Variants in MMS19 observed in about 807,000 individuals in gnomAD.
MMS19 encodes MMS19 cytosolic iron-sulfur assembly component, also known as MMS19 nucleotide excision repair protein homolog.
In MMS19, 77 loss-of-function variants were observed where a neutral mutation model predicts 129.8. That is an observed-to-expected ratio of 0.59 (90% CI 0.49 to 0.72). The LOEUF (loss-of-function observed/expected upper bound fraction) is 0.72. MMS19 is among the 30% of genes least tolerant of loss of function. MMS19 has a pLI of 0.00. For missense variants in MMS19, 1,168 were observed against 1,266.3 expected, an observed-to-expected ratio of 0.92 and a Z score of 1.18; for synonymous variants, 491 against 502.8, an observed-to-expected ratio of 0.98 and a Z score of 0.31.
chr10:97,490,475 A>G lies in MMS19; in HGVS notation c.113-6324T>C, dbSNP rs29001266. Reference sequence around the variant, plus strand: ...CAAGGGAGAAACAGGGTAAAAGGCTAACAATCTTCATAAGGCTTTGGTTCA... The same window carrying G: ...CAAGGGAGAAACAGGGTAAAAGGCTGACAATCTTCATAAGGCTTTGGTTCA... On this transcript the variant is annotated intron_variant, in intron 1 of 30. Transcript: ENST00000438925. Among the ~76,000 whole-genome samples the G allele has an allele frequency of 5.0e-3, 754 of 152,318 alleles. 24 individuals are homozygous for G. In the East Asian group the frequency reaches 0.074, roughly 15 times the overall value.
At position 97,479,066 on chromosome 10, in the gene MMS19, G is replaced by A. The variant is rs147832686; in HGVS notation, c.263-677C>T. On this transcript the variant is annotated intron_variant, in intron 3 of 30. Transcript: ENST00000438925. ...CTGTCTCCAAAAAACAAATAAAAGGGGTTCCCTCTCTTGGCTTTGGAGCCC... is the reference window on the plus strand; with the variant it reads ...CTGTCTCCAAAAAACAAATAAAAGGAGTTCCCTCTCTTGGCTTTGGAGCCC... Among the ~76,000 whole-genome samples the A allele has an allele frequency of 2.6e-3, 389 of 152,114 alleles. 2 individuals carry two copies. The Middle Eastern group carries it at 0.058, about 23-fold the overall frequency.
chr10:97,470,364 GTGACC>G (rs2034428601), intron 9 of MMS19, among the ~76,000 whole-genome samples, 161 bp from the exon 10 acceptor site: 1 of 152,214 alleles, frequency 6.6e-6, no homozygotes, highest in African/African-American at 2.4e-5. Context: ...CTGCCAAGCA[GTGACC>G]AGAGCCCCAC....
chr10:97,469,082 C>T lies in MMS19; in HGVS notation c.947G>A (p.Arg316Gln), dbSNP rs751925259. ...RREVFQTASERVEAEGLAALH... is the reference protein window; with the variant it reads ...RREVFQTASEQVEAEGLAALH... ...GGCCGCCAGGCCCTCTGCCTCCACC[C>T]GCTCACTTGCCGTCTGGAACACCTG... is the stretch of plus-strand genomic sequence containing the variant. The change falls in exon 12 of 31, where the codon CGG becomes CAG. Residue 316 changes from arginine to glutamine, a missense_variant. Arg to Gln is a conservative substitution (Grantham distance 43). This residue lies in a region of MMS19 where 831 missense variants were observed against 910.8 expected (regional missense o/e 0.91). Coordinates refer to ENST00000438925, the MANE Select transcript of MMS19 (RefSeq NM_022362.5). 9.2e-5 allele frequency: 145 copies of T among 1,580,396 alleles called. 1 individual carries two copies. Among genetic ancestry groups the T allele is most frequent in the Admixed American group, 2.0e-4 (11 of 55,506 alleles).
At chr10:97,496,625 T>C (rs750638598) in intron 1 of MMS19, among the ~76,000 whole-genome samples, 1 of 151,362 alleles carries the variant, frequency 6.6e-6, no homozygotes, top group Non-Finnish European at 1.5e-5. Context: ...CAAAAAAAAA[T>C]CCAAAATTAT....
At chr10:97,482,689 A>G (rs1166602130) in intron 2 of MMS19, among the ~76,000 whole-genome samples, 1 of 150,542 alleles carries the variant, frequency 6.6e-6, no homozygotes, top group African/African-American at 2.4e-5. Flanking sequence ...TGATATGTGA[A>G]TCATACATCA....
chr10:97,461,555 G>A lies in MMS19; in HGVS notation c.2252C>T (p.Pro751Leu), dbSNP rs1450329864. 2.5e-6 allele frequency: 4 copies of A among 1,603,380 alleles called. No individual in the cohort carries two copies. The highest frequency in any genetic ancestry group is 1.1e-5 in the South Asian group (1 of 88,898). The change falls in exon 23 of 31, where the codon CCC becomes CTC. Residue 751 changes from proline (P) to leucine (L), a missense_variant. Pro to Leu is a moderately conservative substitution (Grantham distance 98, BLOSUM62 -3). Transcript: ENST00000438925. ...CTTGGCAGCAGCGGTGGAAGAAAAGGGGCAGCTGTGGCAGCAGCTCAGTTC... is the reference window on the plus strand; with the variant it reads ...CTTGGCAGCAGCGGTGGAAGAAAAGAGGCAGCTGTGGCAGCAGCTCAGTTC... ...LLELSCCHSC[P>L]FSSTAAAKCF...
At chr10:97,482,739 C>CATATATATATATATATATATATATAT (rs1399579006) in intron 2 of MMS19, among the ~76,000 whole-genome samples, 2 of 92,980 alleles carry the variant, frequency 2.2e-5, no homozygotes, top group Non-Finnish European at 4.2e-5. Context: ...TATATATATA[C>CATATATATATATATATATATATATAT]ACACACACAC....
chr10:97,460,747 G>A lies in MMS19; in HGVS notation c.2417C>T (p.Thr806Ile). 6.3e-7 allele frequency: 1 copy of A among 1,597,618 alleles called. No homozygotes were observed. Among genetic ancestry groups the A allele is most frequent in the African/African-American group, 1.3e-5 (1 of 74,804 alleles). ...ATGGTATCTGAGCACTAGGGCCTTT[G>A]TTACCTGTAATTGGAGACAGAGAGA... Reference protein sequence around the residue: ...SQAFTLLLWVTKALVLRYHPL... With the variant: ...SQAFTLLLWVIKALVLRYHPL... The change falls in exon 25 of 31, where the codon ACA becomes ATA. Residue 806 changes from threonine to isoleucine, a missense_variant. Thr to Ile is a moderately conservative substitution (Grantham distance 89). Coordinates refer to ENST00000438925, the MANE Select transcript of MMS19 (RefSeq NM_022362.5).
At chr10:97,465,714 C>T in intron 18 of MMS19, 91 bp downstream of exon 18, 1 of 1,252,844 alleles carries the variant, frequency 8.0e-7, no homozygotes, top group Non-Finnish European at 1.1e-6. Context: ...GATTCTGTTA[C>T]TCTTATGTAT....
intron 1 of MMS19, among the ~76,000 whole-genome samples, chr10:97,490,496 G>A (rs2038688080): frequency 6.6e-6 from 1 of 152,186 alleles, no homozygotes; most frequent in African/African-American, 2.4e-5. Context: ...TAAGGCTTTG[G>A]TTCACATTGA....
intron 8 of MMS19, among the ~76,000 whole-genome samples, chr10:97,471,516 A>T (rs1040078255): frequency 6.6e-5 from 10 of 151,890 alleles, no homozygotes; most frequent in African/African-American, 2.2e-4. Context: ...TATTATTATT[A>T]TTATTTTTTT....
rs544336201 is a variant in MMS19 at position 97,470,304 on chromosome 10, C to T, written c.772-101G>A. 1.5e-4 allele frequency: 119 copies of T among 798,790 alleles called. No homozygotes were observed. The African/African-American group carries it at 1.7e-3, about 12-fold the overall frequency. 49.5% of individuals were successfully genotyped at this position (798,790 alleles called of 1,614,324 possible). A position where few individuals can be genotyped will look rare whatever the true frequency, so the allele number is the denominator to read the frequency against. ...CATCAGTCCCTAAAAGCAGGTACTA[C>T]ATCAAGGAGCTGTACTCAAGTCAGG... On this transcript the variant is annotated intron_variant, in intron 9 of 30. Transcript: ENST00000438925.
intron 22 of MMS19, 83 bp from the exon 23 acceptor site, chr10:97,461,705 G>A (rs1253931491): frequency 1.3e-6 from 2 of 1,553,074 alleles, no homozygotes; most frequent in Non-Finnish European, 1.7e-6. Context: ...CAGGGACCGG[G>A]ACGGATGAGA....
chr10:97,477,830 T>C (rs752313280), intron 5 of MMS19, 25 bp downstream of exon 5: 1 of 1,547,936 alleles, frequency 6.5e-7, no homozygotes, highest in South Asian at 1.2e-5. Context: ...CAGAGGAGAA[T>C]ACCAACATGA....
intron 1 of MMS19, among the ~76,000 whole-genome samples, chr10:97,496,574 G>T (rs900637917): frequency 6.7e-5 from 10 of 148,662 alleles, no homozygotes; most frequent in Non-Finnish European, 1.3e-4. Flanking sequence ...CCTTATTCAA[G>T]ATAAGACATT....
At chr10:97,477,579 A>C (rs2135406412) in intron 5 of MMS19, among the ~76,000 whole-genome samples, 163 bp from the exon 6 acceptor site, 1 of 152,360 alleles carries the variant, frequency 6.6e-6, no homozygotes. Flanking sequence ...TTGACTCAGC[A>C]GCACAGCAGT....
chr10:97,466,980 C>A, intron 14 of MMS19, 79 bp from the exon 15 acceptor site: 2 of 1,553,580 alleles, frequency 1.3e-6, no homozygotes, highest in Non-Finnish European at 1.8e-6. Flanking sequence ...ACACAGCCAA[C>A]CTGGGGTAGA....
Position 97,477,421 on chromosome 10 carries a change from G to C in MMS19, c.424-5C>G. ...TCGGTCCACCTGTGGCAGGGACTTG[G>C]GGGTGGGGGAGAAAGAAGTGAAGAA... On this transcript the variant is annotated splice_polypyrimidine_tract_variant and splice_region_variant and intron_variant, in intron 5 of 30. Transcript: ENST00000438925. 6.2e-7 allele frequency: 1 copy of C among 1,613,990 alleles called. No homozygotes were observed. The highest frequency in any genetic ancestry group is 8.5e-7 in the Non-Finnish European group (1 of 1,179,886).
At chr10:97,497,508 A>G (rs937718793) in intron 1 of MMS19, among the ~76,000 whole-genome samples, 1 of 149,488 alleles carries the variant, frequency 6.7e-6, no homozygotes, top group Admixed American at 6.7e-5. Context: ...CTAACATTCA[A>G]TAACTTTTTA....
Sources: allele counts gnomAD v4.1 joint callset (sites outside exome capture counted in the v4.1 genomes callset), GRCh38; gene constraint gnomAD v4.1.1; regional missense constraint gnomAD v4.1.1; transcripts MANE v1.5; gene names NCBI Gene and HGNC (gene_info 2026-07-23, HGNC 2026-07-21).